The following PIP4K2A variants were observed in gnomAD, a reference collection of about 807,000 sequenced individuals.
PIP4K2A encodes the protein phosphatidylinositol-5-phosphate 4-kinase type 2 alpha.
A neutral mutation model predicts 42.9 loss-of-function variants in PIP4K2A; 14 were observed. That is an observed-to-expected ratio of 0.33 (90% CI 0.22 to 0.51). The LOEUF is 0.51. Among genes scored for constraint, PIP4K2A ranks in the 20% least tolerant of loss-of-function variants. PIP4K2A has a pLI of 0.97. For missense variants in PIP4K2A, 434 were observed against 519.8 expected, an observed-to-expected ratio of 0.83 and a Z score of 1.61; for synonymous variants, 192 against 192.2, an observed-to-expected ratio of 1.00 and a Z score of 0.01.
chr10:22,694,478 T>C (rs943831192), intron 1 of PIP4K2A: 1 of 152,208 alleles, frequency 6.6e-6, no homozygotes, highest in Non-Finnish European at 1.5e-5. Context: ...CATACAGAGG[T>C]GTTCCAGTTC....
intron 1 of PIP4K2A, among the ~76,000 whole-genome samples, chr10:22,675,668 GA>G (rs1009705251): frequency 6.6e-6 from 1 of 152,254 alleles, no homozygotes; most frequent in Non-Finnish European, 1.5e-5. Context: ...TATAAGTAAT[GA>G]AAAGACTCTC....
At chr10:22,710,411 A>T (rs933491633) in intron 1 of PIP4K2A, among the ~76,000 whole-genome samples, 14 of 152,374 alleles carry the variant, frequency 9.2e-5, no homozygotes, top group African/African-American at 3.4e-4. Context: ...GGACGGCCAC[A>T]AATGACCAAG....
At chr10:22,711,665 T>C (rs1833912591) in intron 1 of PIP4K2A, among the ~76,000 whole-genome samples, 1 of 152,256 alleles carries the variant, frequency 6.6e-6, no homozygotes, top group African/African-American at 2.4e-5. Context: ...TACCACAGTA[T>C]GTGGAAGATG....
chr10:22,711,248 ATTTTC>A (rs1352965374), intron 1 of PIP4K2A, among the ~76,000 whole-genome samples: 1 of 152,158 alleles, frequency 6.6e-6, no homozygotes, highest in East Asian at 1.9e-4. Flanking sequence ...GGACTTGAAC[ATTTTC>A]ACCTTAATTG....
At chr10:22,611,982 T>A (rs1239840979) in intron 1 of PIP4K2A, among the ~76,000 whole-genome samples, 1 of 152,206 alleles carries the variant, frequency 6.6e-6, no homozygotes, top group African/African-American at 2.4e-5. Flanking sequence ...TAAATCAGTA[T>A]CACTTAAGAG....
rs117755506 is a variant in PIP4K2A at position 22,542,630 on chromosome 10, C to T, written c.793-583G>A. 6.3e-3 allele frequency among the ~76,000 whole-genome samples: 964 copies of T among 152,350 alleles called. 7 individuals carry two copies. The highest frequency in any genetic ancestry group is 0.011 in the Non-Finnish European group (722 of 68,032). On this transcript the variant is annotated intron_variant, in intron 7 of 9. Coordinates refer to ENST00000376573, the MANE Select transcript of PIP4K2A (RefSeq NM_005028.5). ...TGCTTTCCACGAAGCACCACACATC[C>T]AGGATTCCTGTCCTCCCTCTCCTCC...
chr10:22,537,148 G>A lies in PIP4K2A; in HGVS notation c.*53C>T, dbSNP rs187712490. 40 of 1,403,120 alleles carry A rather than the reference G, an allele frequency of 2.9e-5. No individual in the cohort carries two copies. The highest frequency in any genetic ancestry group is 3.7e-5 in the Non-Finnish European group (37 of 1,010,068). 86.9% of individuals were successfully genotyped at this position (1,403,120 alleles called of 1,614,324 possible). On this transcript the variant is annotated 3_prime_UTR_variant, in exon 10 of 10. Coordinates refer to ENST00000376573, the MANE Select transcript of PIP4K2A (RefSeq NM_005028.5). The stretch of plus-strand genomic sequence containing the variant: ...GTTTGGTTTTCATTTTTCCTACACC[G>A]AAGCCACCTCTGTCCATCCAATGTT...
chr10:22,708,911 T>C (rs1202881817), intron 1 of PIP4K2A, among the ~76,000 whole-genome samples: 3 of 152,138 alleles, frequency 2.0e-5, no homozygotes, highest in Admixed American at 1.3e-4. Context: ...GCCTCCTGAG[T>C]AGTTCAGGCT....
chr10:22,591,602 T>C (rs1837512643), intron 4 of PIP4K2A, 27 bp downstream of exon 4: 4 of 1,570,182 alleles, frequency 2.5e-6, no homozygotes, highest in African/African-American at 1.4e-5. Flanking sequence ...CTTCTTGGAG[T>C]TTCAAATAAA....
chr10:22,601,326 G>A (rs921268338), intron 3 of PIP4K2A, among the ~76,000 whole-genome samples: 9 of 152,034 alleles, frequency 5.9e-5, no homozygotes, highest in African/African-American at 2.2e-4. Context: ...AGGAAGCCTG[G>A]GGTCCCAGGT....
intron 1 of PIP4K2A, chr10:22,691,886 G>C (rs1481110450): frequency 6.6e-6 from 1 of 152,192 alleles, no homozygotes; most frequent in Non-Finnish European, 1.5e-5. Context: ...CCTTGTCATT[G>C]TCAGTCTGGA....
intron 3 of PIP4K2A, among the ~76,000 whole-genome samples, chr10:22,601,147 A>C (rs980932661): frequency 1.1e-4 from 16 of 140,340 alleles, no homozygotes; most frequent in South Asian, 4.8e-4. Flanking sequence ...AAAAAAAAAA[A>C]AAAAAAAAAA....
intron 1 of PIP4K2A, among the ~76,000 whole-genome samples, chr10:22,622,788 T>C (rs1778304): frequency 0.42 from 63,312 of 152,082 alleles, 14,291 homozygotes; most frequent in African/African-American, 0.59. Flanking sequence ...ATCTATAATT[T>C]TTTTCTCAAT....
rs1366333240 is a variant in PIP4K2A at position 22,608,116 on chromosome 10, T to A, written c.243-93A>T. ...GTTCCACAGGTAGCCAAAGAAGGGT[T>A]CAGAGTTCACTGCCTACCAAAAGCA... is the stretch of plus-strand genomic sequence containing the variant. On this transcript the variant is annotated intron_variant, in intron 2 of 9. Transcript: ENST00000376573. The A allele has an allele frequency of 3.9e-6, 3 of 777,056 alleles. No homozygotes were observed. The African/African-American group carries it at 5.1e-5, about 13-fold the overall frequency. The allele number at this position is 777,056 out of a possible 1,614,324, so 48.1% of individuals were successfully genotyped here. A position where few individuals can be genotyped will look rare whatever the true frequency, so the allele number is the denominator to read the frequency against.
intron 3 of PIP4K2A, among the ~76,000 whole-genome samples, chr10:22,604,914 C>CCCGCCTG (rs1274258602): frequency 6.6e-6 from 1 of 152,208 alleles, no homozygotes. Context: ...CTGGCCCCTG[C>CCCGCCTG]CCGCCTGCCG....
At chr10:22,565,887 T>C (rs112749354) in intron 6 of PIP4K2A, among the ~76,000 whole-genome samples, 4,145 of 152,104 alleles carry the variant, frequency 0.027, 192 homozygotes, top group African/African-American at 0.093. Flanking sequence ...GGAGATGAAA[T>C]AGACTTCAGT....
chr10:22,696,397 T>G lies in PIP4K2A; in HGVS notation c.144+17786A>C, dbSNP rs546872482. Among the ~76,000 whole-genome samples, 23 of 152,306 alleles carry G rather than the reference T, an allele frequency of 1.5e-4. No individual in the cohort carries two copies. The South Asian group carries it at 4.8e-3, about 32-fold the overall frequency. On this transcript the variant is annotated intron_variant, in intron 1 of 9. Transcript: ENST00000376573. ...TGCCATCAGAATAGTCTTTTCTTCT[T>G]ATAAATAACCAAATTGAAATGAATC... is the stretch of plus-strand genomic sequence containing the variant.
chr10:22,705,738 T>C (rs1226029546), intron 1 of PIP4K2A, among the ~76,000 whole-genome samples: 1 of 152,056 alleles, frequency 6.6e-6, no homozygotes, highest in Admixed American at 6.6e-5. Context: ...TCTGCCACTG[T>C]GGCCACACCC....
chr10:22,676,961 A>C (rs912433335), intron 1 of PIP4K2A, among the ~76,000 whole-genome samples: 1 of 152,226 alleles, frequency 6.6e-6, no homozygotes, highest in Admixed American at 6.5e-5. Flanking sequence ...TTAGTCTGGT[A>C]CAATCTGTGC....
Sources: allele counts gnomAD v4.1 joint callset (sites outside exome capture counted in the v4.1 genomes callset), GRCh38; gene constraint gnomAD v4.1.1; transcripts MANE v1.5; gene names NCBI Gene and HGNC (gene_info 2026-07-23, HGNC 2026-07-21).